The following ANO10 variants were observed in gnomAD, a reference collection of about 807,000 sequenced individuals.
ANO10 encodes the protein anoctamin 10.
In ANO10, 77 loss-of-function variants were observed where a neutral mutation model predicts 74.7. The ratio of observed to expected loss-of-function variants is 1.03; its 90% CI spans 0.86 to 1.25. The LOEUF is 1.25. Ranked by LOEUF, ANO10 falls within the 50% of genes most tolerant of loss-of-function variation. The pLI is 0.00. For missense variants in ANO10, 721 were observed against 778.1 expected (o/e 0.93, Z 0.87); for synonymous variants, 279 against 284.9 (o/e 0.98, Z 0.21).
chr3:43,602,317 C>T (rs1006804363), intron 2 of ANO10, among the ~76,000 whole-genome samples: 1 of 152,070 alleles, frequency 6.6e-6, no homozygotes, highest in Non-Finnish European at 1.5e-5. Context: ...TAGAAACTGG[C>T]ATAACCTTTT....
At chr3:43,636,627 C>T (rs926443395) in intron 1 of ANO10, 2 of 152,198 alleles carry the variant, frequency 1.3e-5, no homozygotes, top group Admixed American at 6.5e-5. Context: ...GTCTCATTAA[C>T]AGACCACAGT....
chr3:43,598,989 A>C lies in ANO10; in HGVS notation c.338-323T>G, dbSNP rs17075851. Among the ~76,000 whole-genome samples the C allele has an allele frequency of 0.019, 2,832 of 152,332 alleles. 80 individuals are homozygous for C. The highest frequency in any genetic ancestry group is 0.063 in the African/African-American group (2,630 of 41,576). ...TGTTCTTTTATTCTAATAATGCATT[A>C]AACTTATTAACGTATTATTATGTTA... On this transcript the variant is annotated intron_variant, in intron 3 of 12. Coordinates refer to ENST00000292246, the MANE Select transcript of ANO10 (RefSeq NM_018075.5).
chr3:43,505,770 G>A (rs1267990848), intron 11 of ANO10, among the ~76,000 whole-genome samples: 1 of 152,100 alleles, frequency 6.6e-6, no homozygotes, highest in Non-Finnish European at 1.5e-5. Context: ...ATTTATTTAT[G>A]TTCAACTAAA....
At chr3:43,665,071 C>T (rs1302675644) in intron 1 of ANO10, among the ~76,000 whole-genome samples, 1 of 152,166 alleles carries the variant, frequency 6.6e-6, no homozygotes, top group Non-Finnish European at 1.5e-5. Flanking sequence ...AAGACACATG[C>T]ACATGTATGT....
In ANO10 at chr3:43,686,107, A is replaced by G. The variant is rs2084271514; in HGVS notation, c.-12+5410T>C. ...TCCAGGATCCAGCCCCCAGGGCACC[A>G]TGCTCCTCTTCCTCATTCCTCCATT... On this transcript the variant is annotated intron_variant, in intron 1 of 3. Coordinates refer to the ANO10 transcript ENST00000413397. Among the ~76,000 whole-genome samples the G allele has an allele frequency of 2.0e-5, 3 of 152,060 alleles. No homozygotes were observed. In the South Asian group the frequency reaches 6.2e-4, roughly 32 times the overall value.
intron 11 of ANO10, among the ~76,000 whole-genome samples, chr3:43,502,960 G>T (rs1331986831): frequency 1.3e-5 from 2 of 152,168 alleles, no homozygotes; most frequent in Non-Finnish European, 1.5e-5. Flanking sequence ...TGTTTAATGG[G>T]TATAGAGTTT....
In ANO10 at chr3:43,411,082, AAATT is replaced by A. The variant is rs35840542; in HGVS notation, c.1914+21525_1914+21528del. 4.4e-3 allele frequency among the ~76,000 whole-genome samples: 666 copies of A among 152,156 alleles called. 3 individuals carry two copies. The highest frequency in any genetic ancestry group is 0.016 in the African/African-American group (645 of 41,510). On this transcript the variant is annotated intron_variant, in intron 12 of 12. Transcript: ENST00000292246. The stretch of plus-strand genomic sequence containing the variant: ...ACACTTTTTTTGTGCATTGAAAACC[AAATT>A]ATTACCTCCATAATTATGTCTACAG...
intron 9 of ANO10, among the ~76,000 whole-genome samples, chr3:43,559,354 G>A (rs1279571038): frequency 6.6e-6 from 1 of 152,312 alleles, no homozygotes; most frequent in African/African-American, 2.4e-5. Context: ...GGGTACTTCA[G>A]GAGATAATGT....
chr3:43,458,154 T>C (rs2075220660), intron 11 of ANO10, among the ~76,000 whole-genome samples: 1 of 152,216 alleles, frequency 6.6e-6, no homozygotes, highest in African/African-American at 2.4e-5. Context: ...CACTGTGCTA[T>C]ATATAATCTT....
At chr3:43,526,800 T>C (rs986329806) in intron 11 of ANO10, among the ~76,000 whole-genome samples, 3 of 152,094 alleles carry the variant, frequency 2.0e-5, no homozygotes, top group Non-Finnish European at 4.4e-5. Context: ...TAATATAGAA[T>C]ATAGCATCTA....
chr3:43,560,601 T>G (rs147634561), intron 9 of ANO10, among the ~76,000 whole-genome samples: 1 of 152,124 alleles, frequency 6.6e-6, no homozygotes, highest in African/African-American at 2.4e-5. Flanking sequence ...ATGTGAAATA[T>G]AGAAACAGTG....
At chr3:43,594,073 T>C (rs994883428) in intron 4 of ANO10, among the ~76,000 whole-genome samples, 7 of 152,198 alleles carry the variant, frequency 4.6e-5, no homozygotes, top group African/African-American at 1.4e-4. Context: ...ATCCTAAATA[T>C]ATATGCACCC....
At chr3:43,404,780 A>G (rs1396466745) in intron 12 of ANO10, among the ~76,000 whole-genome samples, 3 of 148,006 alleles carry the variant, frequency 2.0e-5, no homozygotes, top group Non-Finnish European at 4.5e-5. Context: ...GGTACTCAGG[A>G]GGCTGAGATG....
intron 12 of ANO10, among the ~76,000 whole-genome samples, chr3:43,390,173 T>C (rs536890545): frequency 1.3e-5 from 2 of 151,992 alleles, no homozygotes; most frequent in African/African-American, 2.4e-5. Flanking sequence ...CCTGGGAGAG[T>C]GTGGGAGACA....
At chr3:43,682,978 T>C (rs1423896312) in intron 1 of ANO10, among the ~76,000 whole-genome samples, 1 of 152,200 alleles carries the variant, frequency 6.6e-6, no homozygotes, top group Non-Finnish European at 1.5e-5. Context: ...AATATCATAC[T>C]GAATGGGCAA....
intron 12 of ANO10, among the ~76,000 whole-genome samples, chr3:43,381,156 T>C (rs1488788890): frequency 3.3e-5 from 5 of 152,028 alleles, no homozygotes; most frequent in African/African-American, 1.2e-4. Context: ...CCATGACACA[T>C]GGGGATTATG....
chr3:43,469,943 T>C (rs763121363), intron 11 of ANO10, among the ~76,000 whole-genome samples: 11 of 152,206 alleles, frequency 7.2e-5, no homozygotes, highest in South Asian at 6.2e-4. Context: ...ATACTGTGGG[T>C]AAACAGTCAA....
rs116657416 is a variant in ANO10 at position 43,453,785 on chromosome 3, C to T, written c.1798-21058G>A. Among the ~76,000 whole-genome samples, 414 of 152,306 alleles carry T rather than the reference C, an allele frequency of 2.7e-3. 2 individuals carry two copies. The highest frequency in any genetic ancestry group is 9.2e-3 in the African/African-American group (382 of 41,556). On this transcript the variant is annotated intron_variant, in intron 11 of 12. Transcript: ENST00000292246. Reference sequence around the variant, plus strand: ...ATATGTGAGAGTTTATTTCTGGCCTCTCAATTCTATTACATTGGTCTATAA... The same window carrying T: ...ATATGTGAGAGTTTATTTCTGGCCTTTCAATTCTATTACATTGGTCTATAA...
intron 11 of ANO10, among the ~76,000 whole-genome samples, chr3:43,452,035 G>T (rs2074901124): frequency 2.6e-5 from 4 of 152,112 alleles, no homozygotes; most frequent in Admixed American, 2.6e-4. Flanking sequence ...AAAGGCTAAA[G>T]ATTAGTTACT....
Sources: allele counts gnomAD v4.1 joint callset (sites outside exome capture counted in the v4.1 genomes callset), GRCh38; gene constraint gnomAD v4.1.1; transcripts MANE v1.5; gene names NCBI Gene and HGNC (gene_info 2026-07-23, HGNC 2026-07-21).